The following SLFN12L variants were observed in gnomAD, a reference collection of about 807,000 sequenced individuals.
SLFN12L encodes the protein schlafen family member 12 like.
In SLFN12L, 34 loss-of-function variants were observed where a neutral mutation model predicts 34.8. The ratio of observed to expected loss-of-function variants is 0.98; its 90% CI spans 0.74 to 1.30. The LOEUF (loss-of-function observed/expected upper bound fraction) is 1.30, where lower values mean the gene tolerates loss of function less well. SLFN12L is among the 50% of genes most tolerant of loss of function. The pLI, the probability that SLFN12L is intolerant of heterozygous loss-of-function variation, is 0.00. For missense variants in SLFN12L, 703 were observed against 696.2 expected, an observed-to-expected ratio of 1.01 and a Z score of -0.11; for synonymous variants, 259 against 247.5, an observed-to-expected ratio of 1.05 and a Z score of -0.44.
intron 2 of SLFN12L, among the ~76,000 whole-genome samples, chr17:35,520,414 T>G: frequency 6.6e-6 from 1 of 152,352 alleles, no homozygotes; most frequent in Middle Eastern, 3.4e-3. Flanking sequence ...ATATAAAAGT[T>G]AAAACATATA....
At chr17:35,487,738 A>ACGTC in intron 2 of SLFN12L, 1 of 1,536,104 alleles carries the variant, frequency 6.5e-7, no homozygotes, top group Non-Finnish European at 8.7e-7. Flanking sequence ...GGCGAGGTCC[A>ACGTC]TGTCTGCGCA....
chr17:35,514,778 G>A (rs564781884), intron 2 of SLFN12L: 9 of 392,156 alleles, frequency 2.3e-5, no homozygotes, highest in South Asian at 1.2e-4. Flanking sequence ...ATTCCACATC[G>A]TCTTTGGCCA....
In SLFN12L at chr17:35,469,335, TATAATA is replaced by T. The variant is rs1567635980; in HGVS notation, c.*5582_*5587del. ...TATATATTATATATATAAATATATATATAATATATATATATATGTATTTCAAACTTT... is the reference window on the plus strand; with the variant it reads ...TATATATTATATATATAAATATATATTATATATATATGTATTTCAAACTTT... On this transcript the variant is annotated 3_prime_UTR_variant, in exon 5 of 5. Transcript: ENST00000628453. Among the ~76,000 whole-genome samples the T allele has an allele frequency of 2.1e-5, 3 of 139,824 alleles. No homozygotes were observed. The highest frequency in any genetic ancestry group is 2.1e-4 in the East Asian group (1 of 4,734). 91.7% of individuals were successfully genotyped at this position (139,824 alleles called of 152,430 possible).
At chr17:35,536,678 A>G (rs1293767912) in intron 1 of SLFN12L, among the ~76,000 whole-genome samples, 6 of 151,824 alleles carry the variant, frequency 4.0e-5, no homozygotes, top group African/African-American at 1.4e-4. Context: ...GTGGTGGTGC[A>G]TGGTCTATAG....
At chr17:35,486,617 A>G (rs1284747403) in intron 2 of SLFN12L, among the ~76,000 whole-genome samples, 3 of 152,164 alleles carry the variant, frequency 2.0e-5, no homozygotes, top group African/African-American at 7.2e-5. Flanking sequence ...AATAAAAACG[A>G]GCTGAGGACT....
chr17:35,529,636 T>C (rs375743592), intron 1 of SLFN12L, among the ~76,000 whole-genome samples: 21 of 150,900 alleles, frequency 1.4e-4, no homozygotes, highest in African/African-American at 2.9e-4. Context: ...TAAGTGGGAG[T>C]TGAACAATGA....
chr17:35,528,204 C>A (rs148977519), intron 1 of SLFN12L, among the ~76,000 whole-genome samples: 15,787 of 152,034 alleles, frequency 0.1, 1,440 homozygotes, highest in African/African-American at 0.24. Flanking sequence ...TAAGAGAGGA[C>A]ACAAATAAAT....
intron 2 of SLFN12L, among the ~76,000 whole-genome samples, chr17:35,508,164 T>C (rs1354362107): frequency 5.9e-5 from 9 of 152,220 alleles, no homozygotes; most frequent in Non-Finnish European, 1.3e-4. Context: ...CCCCCAGTCA[T>C]GTACCGCCTG....
chr17:35,475,278 G>A lies in SLFN12L; in HGVS notation c.1484C>T (p.Pro495Leu), dbSNP rs1480128639. ...CATGTGGAAGGTGTATAGGACTGGA[G>A]GCTTGTCCTGGGAAATCAGAAGAGC... ...CDALLISQDK[P>L]PVLYTFHMVQ... Residue 495 changes from proline to leucine, a missense_variant, in exon 5 of 5, where the codon CCT becomes CTT. Physicochemically the swap from Pro to Leu is moderately conservative, Grantham distance 98 (BLOSUM62 -3). Coordinates refer to ENST00000628453, the MANE Select transcript of SLFN12L (RefSeq NM_001363830.2). 6.2e-7 allele frequency: 1 copy of A among 1,614,130 alleles called. No individual in the cohort carries two copies. Among genetic ancestry groups the A allele is most frequent in the African/African-American group, 1.3e-5 (1 of 75,034 alleles).
At chr17:35,480,929 T>C (rs1215785307) in intron 2 of SLFN12L, among the ~76,000 whole-genome samples, 3 of 152,106 alleles carry the variant, frequency 2.0e-5, no homozygotes, top group African/African-American at 4.8e-5. Flanking sequence ...AAATAGATTA[T>C]AGATATGATT....
intron 2 of SLFN12L, chr17:35,498,181 G>GTGTGGGGAGC: frequency 1.5e-6 from 1 of 682,852 alleles, no homozygotes; most frequent in Non-Finnish European, 2.7e-6. Flanking sequence ...GGAGGCGGCG[G>GTGTGGGGAGC]CGTGGGGAGC....
At chr17:35,501,584 A>G (rs868157424) in intron 2 of SLFN12L, among the ~76,000 whole-genome samples, 1 of 152,136 alleles carries the variant, frequency 6.6e-6, no homozygotes, top group Non-Finnish European at 1.5e-5. Context: ...TGTGGTGTGC[A>G]TGAGGTGTGA....
At chr17:35,485,022 A>G (rs1914522625) in intron 2 of SLFN12L, among the ~76,000 whole-genome samples, 1 of 152,118 alleles carries the variant, frequency 6.6e-6, no homozygotes, top group Non-Finnish European at 1.5e-5. Context: ...TTGGCATACA[A>G]TTTTTTACAG....
intron 2 of SLFN12L, chr17:35,510,094 T>G (rs910954419): frequency 4.6e-5 from 7 of 152,314 alleles, no homozygotes; most frequent in Admixed American, 2.6e-4. Flanking sequence ...ATTAATGAGA[T>G]GATAGGAAGT....
At position 35,522,415 on chromosome 17, in the gene SLFN12L, A is replaced by G. The variant is rs1916026066; in HGVS notation, c.-51T>C. 6.2e-7 allele frequency: 1 copy of G among 1,614,186 alleles called. No individual in the cohort carries two copies. Among genetic ancestry groups the G allele is most frequent in the African/African-American group, 1.3e-5 (1 of 75,048 alleles). On this transcript the variant is annotated 5_prime_UTR_variant, in exon 2 of 5. Coordinates refer to ENST00000628453, the MANE Select transcript of SLFN12L (RefSeq NM_001363830.2). ...CCTAAGCCAGGTAAGCCATGGACAAACAATTCTCTGTTCTTGTGGAAGCTT... is the reference window on the plus strand; with the variant it reads ...CCTAAGCCAGGTAAGCCATGGACAAGCAATTCTCTGTTCTTGTGGAAGCTT...
intron 2 of SLFN12L, among the ~76,000 whole-genome samples, chr17:35,508,135 T>C (rs1915522261): frequency 1.3e-5 from 2 of 152,246 alleles, no homozygotes; most frequent in South Asian, 4.1e-4. Flanking sequence ...TGTTCCGTTC[T>C]GATTACTGGT....
intron 2 of SLFN12L, among the ~76,000 whole-genome samples, chr17:35,510,568 G>A (rs895693178): frequency 6.6e-6 from 1 of 152,186 alleles, no homozygotes; most frequent in African/African-American, 2.4e-5. Flanking sequence ...GAGACAGAGA[G>A]GAGAGGAGAC....
chr17:35,506,339 A>G (rs1275342776), intron 2 of SLFN12L, among the ~76,000 whole-genome samples: 1 of 152,250 alleles, frequency 6.6e-6, no homozygotes, highest in Admixed American at 6.5e-5. Context: ...GTGTGGAAAT[A>G]AATGTAGATA....
rs565327017 is a variant in SLFN12L, at chr17:35,492,968, A to C, written c.87-12773T>G. Among the ~76,000 whole-genome samples the C allele has an allele frequency of 6.0e-4, 41 of 68,474 alleles. No homozygotes were observed. The South Asian group carries it at 0.017, about 28-fold the overall frequency. 44.9% of individuals were successfully genotyped at this position (68,474 alleles called of 152,430 possible). The stretch of plus-strand genomic sequence containing the variant: ...AAAATATCCCTTAGGGGAAAAAAAA[A>C]ACACACACACACACAAGCAAAAAAC... On this transcript the variant is annotated intron_variant, in intron 2 of 4. Transcript: ENST00000628453.
Sources: gnomAD v4.1 joint callset for allele counts (sites outside exome capture counted in the v4.1 genomes callset) on GRCh38, gnomAD v4.1.1 for gene constraint, MANE v1.5 for transcripts, NCBI Gene and HGNC (gene_info 2026-07-23, HGNC 2026-07-21) for gene names.